Variants in ARHGAP11A observed in about 807,000 individuals in gnomAD.
ARHGAP11A encodes the protein Rho GTPase activating protein 11A, also known as rho GTPase-activating protein 11A.
Under a neutral mutation model 60.5 loss-of-function variants are expected in ARHGAP11A, and 36 were observed. That is an observed-to-expected ratio of 0.59 (90% CI 0.46 to 0.79). The LOEUF is 0.79. Among genes scored for constraint, ARHGAP11A ranks in the 30% least tolerant of loss-of-function variants. The probability of loss-of-function intolerance (pLI) is 0.00; values close to 1 mark genes in which losing one functional copy is unlikely to be tolerated. For synonymous variants in ARHGAP11A, 362 were observed against 415.5 expected (o/e 0.87, Z 1.57); for missense variants, 1,071 against 1,199.2 (o/e 0.89, Z 1.58).
intron 2 of ARHGAP11A, among the ~76,000 whole-genome samples, chr15:32,622,472 T>C (rs1013746033): frequency 1.3e-5 from 2 of 152,186 alleles, no homozygotes; most frequent in Non-Finnish European, 2.9e-5. Flanking sequence ...TGCAAAGTCA[T>C]ATTCCCAGGA....
intron 4 of ARHGAP11A, among the ~76,000 whole-genome samples, chr15:32,624,641 G>A (rs1392173779): frequency 6.6e-6 from 1 of 152,096 alleles, no homozygotes; most frequent in African/African-American, 2.4e-5. Flanking sequence ...TGCCTTAATG[G>A]TTCATTGGTG....
At chr15:32,616,540 G>A (rs969928938) in intron 1 of ARHGAP11A, among the ~76,000 whole-genome samples, 200 bp downstream of exon 1, 3 of 152,148 alleles carry the variant, frequency 2.0e-5, no homozygotes, top group Admixed American at 6.5e-5. Context: ...TGATCATTGA[G>A]AGAAAGTTGC....
chr15:32,617,234 G>C (rs564593641), intron 1 of ARHGAP11A, among the ~76,000 whole-genome samples: 6 of 152,100 alleles, frequency 3.9e-5, no homozygotes, highest in Non-Finnish European at 2.9e-5. Context: ...AAAGTGCTTG[G>C]AGAAGAAAAC....
rs1384741770 is a variant in ARHGAP11A, at chr15:32,627,454, G to T, written c.863-1274G>T. Among the ~76,000 whole-genome samples the T allele has an allele frequency of 3.3e-5, 5 of 152,112 alleles. No individual in the cohort carries two copies. The East Asian group carries it at 5.8e-4, about 18-fold the overall frequency. ...TTACTGTAAGAATCTTCTTGGCCGG[G>T]CGCGATGGCTCACGCCTGTAATTCC... On this transcript the variant is annotated intron_variant, in intron 6 of 11. Coordinates refer to ENST00000361627, the MANE Select transcript of ARHGAP11A (RefSeq NM_014783.6).
chr15:32,630,567 T>C (rs892891787), intron 8 of ARHGAP11A, among the ~76,000 whole-genome samples: 1 of 150,696 alleles, frequency 6.6e-6, no homozygotes, highest in African/African-American at 2.5e-5. Context: ...CTGATTATTT[T>C]AGATTTTTTA....
chr15:32,618,945 C>G (rs1325780296), intron 1 of ARHGAP11A, among the ~76,000 whole-genome samples: 1 of 152,008 alleles, frequency 6.6e-6, no homozygotes, highest in Non-Finnish European at 1.5e-5. Context: ...AGTGAGACTC[C>G]CTCTCAAAAA....
intron 8 of ARHGAP11A, 128 bp downstream of exon 8, chr15:32,629,890 A>G (rs1267223624): frequency 6.1e-6 from 4 of 655,500 alleles, no homozygotes; most frequent in African/African-American, 5.7e-5. Context: ...TATCCAACCT[A>G]TGAATTTTTA....
At chr15:32,627,942 T>A (rs2140460748) in intron 6 of ARHGAP11A, among the ~76,000 whole-genome samples, 2 of 151,858 alleles carry the variant, frequency 1.3e-5, no homozygotes, top group East Asian at 3.9e-4. Flanking sequence ...CCCAAGTAGC[T>A]GGGATTACAG....
chr15:32,616,994 G>A (rs934494628), intron 1 of ARHGAP11A, among the ~76,000 whole-genome samples: 16 of 152,180 alleles, frequency 1.1e-4, no homozygotes, highest in African/African-American at 3.4e-4. Flanking sequence ...AGAAGCCAGA[G>A]TGGAATAATT....
chr15:32,624,874 T>C (rs936293023), intron 4 of ARHGAP11A, among the ~76,000 whole-genome samples: 8 of 151,798 alleles, frequency 5.3e-5, no homozygotes, highest in African/African-American at 1.7e-4. Flanking sequence ...AAGATTAGCA[T>C]GGTTTTTAGA....
At position 32,620,119 on chromosome 15, in the gene ARHGAP11A, T is replaced by C. The variant is rs2053259426; in HGVS notation, c.141T>C (p.Phe47=). Residue 47 remains phenylalanine (F), a synonymous_variant, in exon 2 of 12, where the codon TTT becomes TTC. Coordinates refer to ENST00000361627, the MANE Select transcript of ARHGAP11A (RefSeq NM_014783.6). ...ATTTGTCATTTTAGGGTAAAATATT[T>C]GGAGTACCTTTTAATGCACTGCCCC... ...TAATEIGGKI[F]GVPFNALPHS... The C allele has an allele frequency of 6.2e-7, 1 of 1,608,474 alleles. No homozygotes were observed. The highest frequency in any genetic ancestry group is 1.1e-5 in the South Asian group (1 of 90,650).
chr15:32,618,930 C>T (rs1044491071), intron 1 of ARHGAP11A, among the ~76,000 whole-genome samples: 1 of 152,042 alleles, frequency 6.6e-6, no homozygotes, highest in African/African-American at 2.4e-5. Context: ...CAGCCTGGGC[C>T]ACAAAGTGAG....
intron 1 of ARHGAP11A, 65 bp from the exon 2 acceptor site, chr15:32,620,043 A>G: frequency 2.6e-6 from 4 of 1,545,618 alleles, no homozygotes; most frequent in Non-Finnish European, 3.5e-6. Context: ...TAATTTGCCT[A>G]AAGTTTAAGA....
chr15:32,632,820 G>T (rs1022395358), intron 8 of ARHGAP11A, 159 bp from the exon 9 acceptor site: 41 of 616,692 alleles, frequency 6.6e-5, no homozygotes, highest in Non-Finnish European at 9.2e-5. Flanking sequence ...AGCTGAGTTG[G>T]GTTATTTGAC....
At chr15:32,627,601 C>T (rs1190860779) in intron 6 of ARHGAP11A, among the ~76,000 whole-genome samples, 4 of 151,944 alleles carry the variant, frequency 2.6e-5, no homozygotes, top group East Asian at 2.0e-4. Flanking sequence ...TGGTGGCGGG[C>T]GCCTGTAGTC....
intron 6 of ARHGAP11A, among the ~76,000 whole-genome samples, chr15:32,627,505 G>A (rs913224163): frequency 9.9e-5 from 15 of 151,978 alleles, no homozygotes; most frequent in South Asian, 4.2e-4. Flanking sequence ...CAAGGTGGGC[G>A]GATCATGAGG....
At chr15:32,621,445 CT>C (rs2053303545) in intron 2 of ARHGAP11A, among the ~76,000 whole-genome samples, 1 of 152,196 alleles carries the variant, frequency 6.6e-6, no homozygotes, top group Non-Finnish European at 1.5e-5. Flanking sequence ...CTGCTTCAGC[CT>C]CCCAAAGTGC....
Position 32,637,386 on chromosome 15 carries a change from C to CA in ARHGAP11A, c.2616dup (p.Ser873IlefsTer5). Reference sequence around the variant, plus strand: ...TTGGTGATACAGCTTCTCCTTTGGTCAAATCAGTGAGCTGTGACGGTGCTC... The same window carrying CA: ...TTGGTGATACAGCTTCTCCTTTGGTCAAAATCAGTGAGCTGTGACGGTGCTC... On this transcript the variant is annotated frameshift_variant, in exon 12 of 12. Transcript: ENST00000361627. LOFTEE classifies it low-confidence loss of function (END_TRUNC). 1.2e-6 allele frequency: 2 copies of CA among 1,614,100 alleles called. No homozygotes were observed. Among genetic ancestry groups the CA allele is most frequent in the South Asian group, 2.2e-5 (2 of 91,070 alleles).
chr15:32,628,751 A>G lies in ARHGAP11A; in HGVS notation c.886A>G (p.Lys296Glu), dbSNP rs780473431. 18 of 1,571,464 alleles carry G rather than the reference A, an allele frequency of 1.1e-5. No homozygotes were observed. The South Asian group carries it at 2.1e-4, about 18-fold the overall frequency. Reference protein sequence around the residue: ...VGDFVSGALNKFKPNRTPSIT... With the variant: ...VGDFVSGALNEFKPNRTPSIT... ...AGATTTTGTTAGTGGAGCACTAAAT[A>G]AATTTAAACCTAACAGAACACCTTC... Residue 296 changes from lysine (K) to glutamate (E), a missense_variant, in exon 7 of 12, where the codon AAA becomes GAA. Lys to Glu is a moderately conservative substitution (Grantham distance 56). Transcript: ENST00000361627.
Sources: gnomAD v4.1 joint callset for allele counts (sites outside exome capture counted in the v4.1 genomes callset) on GRCh38, gnomAD v4.1.1 for gene constraint, MANE v1.5 for transcripts, NCBI Gene and HGNC (gene_info 2026-07-23, HGNC 2026-07-21) for gene names.